UGGT2: variants seen among roughly 807,000 people sequenced by gnomAD.
The protein encoded by UGGT2 is UDP-glucose glycoprotein glucosyltransferase 2.
Under a neutral mutation model 192.1 loss-of-function variants are expected in UGGT2, and 180 were observed. That is an observed-to-expected ratio of 0.94 (90% CI 0.83 to 1.06). UGGT2 has a LOEUF of 1.06. Ranked by LOEUF, UGGT2 falls within the 50% of genes least tolerant of loss-of-function variation. The pLI is 0.00. For missense variants in UGGT2, 1,849 were observed against 1,795.7 expected (o/e 1.03, Z -0.54); for synonymous variants, 580 against 591.0 (o/e 0.98, Z 0.27).
intron 1 of UGGT2, among the ~76,000 whole-genome samples, chr13:96,048,764 C>T (rs914973418): frequency 9.2e-5 from 14 of 152,276 alleles, no homozygotes; most frequent in African/African-American, 3.4e-4. Context: ...TGTACACATA[C>T]ACCCTCCCAA....
chr13:96,032,150 A>G (rs554196465), intron 1 of UGGT2, among the ~76,000 whole-genome samples, 179 bp from the exon 2 acceptor site: 1 of 152,292 alleles, frequency 6.6e-6, no homozygotes, highest in South Asian at 2.1e-4. Context: ...GACTATTCTT[A>G]CCTGAGATAT....
intron 3 of UGGT2, among the ~76,000 whole-genome samples, chr13:96,023,395 T>C (rs1303187989): frequency 1.3e-5 from 2 of 152,072 alleles, no homozygotes; most frequent in African/African-American, 4.8e-5. Context: ...TTATGATACT[T>C]CATTTCAATT....
intron 5 of UGGT2, among the ~76,000 whole-genome samples, chr13:96,002,124 C>T (rs538336512): frequency 6.6e-6 from 1 of 152,266 alleles, no homozygotes; most frequent in African/African-American, 2.4e-5. Flanking sequence ...CTAACTCACA[C>T]ATGCTTAAGG....
intron 36 of UGGT2, among the ~76,000 whole-genome samples, chr13:95,848,249 A>T (rs1888674961): frequency 6.6e-6 from 1 of 152,166 alleles, no homozygotes; most frequent in African/African-American, 2.4e-5. Flanking sequence ...TGCCAAAAAA[A>T]CTTTTCTTTC....
At position 95,925,735 on chromosome 13, in the gene UGGT2, G is replaced by T; in HGVS notation, c.2240C>A (p.Ala747Glu). Residue 747 changes from alanine to glutamate, a missense_variant, in exon 20 of 39, where the codon GCA (alanine) becomes GAA (glutamate). Ala to Glu is a moderately radical substitution (Grantham distance 107). Transcript: ENST00000376747. ...TCTCCCAGAAGGCTTATCAAAATCT[G>T]CAATAATCCAGAGAGTGACTGCAGA... ...IISAVTLWII[A>E]DFDKPSGRKL... 1 of 1,577,292 alleles carries T rather than the reference G, an allele frequency of 6.3e-7. No individual in the cohort carries two copies. Among genetic ancestry groups the T allele is most frequent in the Non-Finnish European group, 8.6e-7 (1 of 1,158,234 alleles).
chr13:95,816,450 T>A (rs1292663185), intron 38 of UGGT2, among the ~76,000 whole-genome samples: 1 of 152,072 alleles, frequency 6.6e-6, no homozygotes, highest in Non-Finnish European at 1.5e-5. Flanking sequence ...AAACATATGG[T>A]CCAGACTAAG....
intron 1 of UGGT2, among the ~76,000 whole-genome samples, chr13:96,042,247 T>C (rs1224110211): frequency 1.3e-5 from 2 of 152,130 alleles, no homozygotes; most frequent in Non-Finnish European, 2.9e-5. Context: ...TTAGACCTAC[T>C]AGGTGGCTAG....
intron 21 of UGGT2, 100 bp from the exon 22 acceptor site, chr13:95,901,038 T>C: frequency 2.3e-6 from 2 of 854,894 alleles, no homozygotes; most frequent in African/African-American, 1.8e-5. Flanking sequence ...TTTTAAATAA[T>C]ACTTTCAAAA....
intron 20 of UGGT2, among the ~76,000 whole-genome samples, chr13:95,914,090 C>T (rs1410555623): frequency 1.3e-5 from 2 of 151,942 alleles, no homozygotes; most frequent in Non-Finnish European, 2.9e-5. Flanking sequence ...CCCACCAGGG[C>T]CTGTTGAGGG....
chr13:96,026,813 A>G (rs1205412535), intron 2 of UGGT2, among the ~76,000 whole-genome samples: 1 of 151,982 alleles, frequency 6.6e-6, no homozygotes, highest in Non-Finnish European at 1.5e-5. Flanking sequence ...CTGGGACTAC[A>G]GGCGCCCTCC....
chr13:95,836,303 G>T (rs1017375467), intron 37 of UGGT2, among the ~76,000 whole-genome samples: 1 of 152,202 alleles, frequency 6.6e-6, no homozygotes, highest in African/African-American at 2.4e-5. Context: ...ACCTGCCTCG[G>T]CCTCTTAAAG....
At chr13:96,021,549 T>G (rs777575732) in intron 4 of UGGT2, among the ~76,000 whole-genome samples, 22 of 152,154 alleles carry the variant, frequency 1.4e-4, no homozygotes, top group Non-Finnish European at 2.9e-4. Flanking sequence ...AGATGTCAAA[T>G]AATTTCAATA....
chr13:96,033,693 T>C (rs2052909144), intron 1 of UGGT2, among the ~76,000 whole-genome samples: 2 of 152,170 alleles, frequency 1.3e-5, no homozygotes, highest in African/African-American at 4.8e-5. Flanking sequence ...CACCTGAGCC[T>C]AGAAGCTGCC....
At position 95,801,739 on chromosome 13, in the gene UGGT2, G is replaced by A; in HGVS notation, c.*51C>T. ...GCAGGGGCTCCAGACTTCCCCAGCAGGCGGCAGGTTTCCTGTCATGCTTTC... is the reference window on the plus strand; with the variant it reads ...GCAGGGGCTCCAGACTTCCCCAGCAAGCGGCAGGTTTCCTGTCATGCTTTC... On this transcript the variant is annotated 3_prime_UTR_variant, in exon 39 of 39. Transcript: ENST00000376747. 1 of 1,602,942 alleles carries A rather than the reference G, an allele frequency of 6.2e-7. No individual in the cohort carries two copies. The highest frequency in any genetic ancestry group is 1.1e-5 in the South Asian group (1 of 88,750).
intron 20 of UGGT2, among the ~76,000 whole-genome samples, chr13:95,905,558 T>C (rs1453868745): frequency 6.6e-6 from 1 of 151,796 alleles, no homozygotes; most frequent in Non-Finnish European, 1.5e-5. Context: ...TAGGGAATCC[T>C]TTCCCCATTG....
chr13:95,923,789 T>C (rs1053079804), intron 20 of UGGT2, among the ~76,000 whole-genome samples: 2 of 152,170 alleles, frequency 1.3e-5, no homozygotes, highest in East Asian at 1.9e-4. Flanking sequence ...AAACTGTAAG[T>C]GATAATTTCA....
At chr13:95,820,518 T>C (rs901991596) in intron 38 of UGGT2, among the ~76,000 whole-genome samples, 1 of 152,186 alleles carries the variant, frequency 6.6e-6, no homozygotes, top group Non-Finnish European at 1.5e-5. Flanking sequence ...CTATGAATAT[T>C]GAGGCAAAAA....
chr13:95,895,056 C>T (rs1485459837), intron 23 of UGGT2, 124 bp downstream of exon 23: 4 of 983,996 alleles, frequency 4.1e-6, no homozygotes, highest in African/African-American at 3.5e-5. Context: ...TGCTTATATT[C>T]TTTATATATG....
rs138074523 is a variant in UGGT2 at position 95,811,644 on chromosome 13, T to C, written c.4529-9832A>G. Among the ~76,000 whole-genome samples, 11 of 152,290 alleles carry C rather than the reference T, an allele frequency of 7.2e-5. No individual in the cohort carries two copies. In the East Asian group the frequency reaches 1.2e-3, roughly 16 times the overall value. ...AATTATATAACAAAGCGGTAGATAA[T>C]TGTTTAAAATGCAAATAGAAACAAT... On this transcript the variant is annotated intron_variant, in intron 38 of 38. Coordinates refer to ENST00000376747, the MANE Select transcript of UGGT2 (RefSeq NM_020121.4).
Sources: allele counts gnomAD v4.1 joint callset (sites outside exome capture counted in the v4.1 genomes callset), GRCh38; gene constraint gnomAD v4.1.1; transcripts MANE v1.5; gene names NCBI Gene and HGNC (gene_info 2026-07-23, HGNC 2026-07-21).